The following SLC16A12 variants were observed in gnomAD, a reference collection of about 807,000 sequenced individuals.
The protein encoded by SLC16A12 is solute carrier family 16 member 12, also known as monocarboxylate transporter 12.
A neutral mutation model predicts 42.4 loss-of-function variants in SLC16A12; 17 were observed. That is an observed-to-expected ratio of 0.40 (90% CI 0.27 to 0.60). SLC16A12 has a LOEUF of 0.60. Ranked by LOEUF, SLC16A12 falls within the 20% of genes least tolerant of loss-of-function variation. The pLI is 0.42. For missense variants in SLC16A12, 544 were observed against 623.0 expected (o/e 0.87, Z 1.35); for synonymous variants, 224 against 229.4 (o/e 0.98, Z 0.21).
intron 3 of SLC16A12, among the ~76,000 whole-genome samples, chr10:89,447,670 C>T (rs532883240): frequency 2.0e-5 from 3 of 152,020 alleles, no homozygotes; most frequent in East Asian, 1.9e-4. Context: ...GATTTAAAAT[C>T]GACACCCTAA....
chr10:89,554,789 C>T (rs1287360085), intron 2 of SLC16A12, among the ~76,000 whole-genome samples: 2 of 152,210 alleles, frequency 1.3e-5, no homozygotes, highest in Admixed American at 1.3e-4. Flanking sequence ...CAGGCCCCAG[C>T]TGGCCTACTT....
intron 2 of SLC16A12, among the ~76,000 whole-genome samples, chr10:89,463,401 G>GT (rs1554827875): frequency 5.8e-4 from 86 of 147,728 alleles, no homozygotes; most frequent in African/African-American, 2.0e-3. Flanking sequence ...TCCAAATAAG[G>GT]TAAAAAAAAG....
intron 2 of SLC16A12, among the ~76,000 whole-genome samples, chr10:89,467,063 A>G (rs1294477164): frequency 6.6e-6 from 1 of 152,222 alleles, no homozygotes; most frequent in East Asian, 1.9e-4. Context: ...ATGTGATACA[A>G]TCAGTTGTAC....
intron 2 of SLC16A12, among the ~76,000 whole-genome samples, chr10:89,486,603 A>AAGAAAG (rs1842745285): frequency 1.4e-5 from 1 of 70,410 alleles, no homozygotes; most frequent in Non-Finnish European, 2.8e-5. Flanking sequence ...AAAAAAAAAA[A>AAGAAAG]AAAGAAAGAA....
chr10:89,501,753 AAAT>A (rs1303174454), intron 2 of SLC16A12, among the ~76,000 whole-genome samples: 4 of 152,106 alleles, frequency 2.6e-5, no homozygotes, highest in African/African-American at 7.2e-5. Flanking sequence ...TTCATCTCAA[AAAT>A]AATAATAATA....
At chr10:89,526,475 T>C (rs1843454784) in intron 2 of SLC16A12, among the ~76,000 whole-genome samples, 1 of 152,196 alleles carries the variant, frequency 6.6e-6, no homozygotes, top group South Asian at 2.1e-4. Context: ...TATAAAGTTA[T>C]TAAGACCGAA....
At chr10:89,434,508 C>G (rs761670995) in intron 7 of SLC16A12, among the ~76,000 whole-genome samples, 13 of 152,222 alleles carry the variant, frequency 8.5e-5, no homozygotes, top group African/African-American at 1.2e-4. Context: ...AGATCTGTAT[C>G]ATGGAGTTCA....
At chr10:89,482,022 G>A (rs1433051073) in intron 2 of SLC16A12, among the ~76,000 whole-genome samples, 7 of 152,174 alleles carry the variant, frequency 4.6e-5, no homozygotes, top group African/African-American at 9.6e-5. Flanking sequence ...CATGAGTTAC[G>A]CTGAATAGTT....
At chr10:89,507,243 G>A (rs547768426) in intron 2 of SLC16A12, among the ~76,000 whole-genome samples, 7 of 152,094 alleles carry the variant, frequency 4.6e-5, no homozygotes, top group African/African-American at 1.4e-4. Flanking sequence ...GATATTCCTC[G>A]AGAAGAGCAA....
At position 89,443,738 on chromosome 10, in the gene SLC16A12, C is replaced by T. The variant is rs1564570164; in HGVS notation, c.304+18G>A. On this transcript the variant is annotated intron_variant, in intron 4 of 7. Transcript: ENST00000371790. Reference sequence around the variant, plus strand: ...CAAGAGTGGCCAGTAATTCCCTATCCTAGTAAGTAATACTCACCACAGAGC... The same window carrying T: ...CAAGAGTGGCCAGTAATTCCCTATCTTAGTAAGTAATACTCACCACAGAGC... The T allele has an allele frequency of 1.3e-6, 2 of 1,554,360 alleles. No individual in the cohort carries two copies. Among genetic ancestry groups the T allele is most frequent in the Non-Finnish European group, 8.9e-7 (1 of 1,125,440 alleles).
At position 89,438,817 on chromosome 10, in the gene SLC16A12, T is replaced by C. The variant is rs774197969; in HGVS notation, c.815A>G (p.Gln272Arg). 1 of 1,614,180 alleles carries C rather than the reference T, an allele frequency of 6.2e-7. No homozygotes were observed. The highest frequency in any genetic ancestry group is 1.3e-5 in the African/African-American group (1 of 75,050). Residue 272 changes from glutamine to arginine, a missense_variant, in exon 6 of 8, where the codon CAG (glutamine) becomes CGG (arginine). Coordinates refer to ENST00000371790, the MANE Select transcript of SLC16A12 (RefSeq NM_213606.4). ...CATGAGTAAAAAACTGTACTCTTGC[T>C]GCAAACAGCAACAGAGGCAAGTCTG... ...WAQTCLCCCL[Q>R]QEYSFLLMSD...
At chr10:89,472,355 G>A (rs1224403283) in intron 2 of SLC16A12, among the ~76,000 whole-genome samples, 3 of 151,650 alleles carry the variant, frequency 2.0e-5, no homozygotes, top group Non-Finnish European at 4.4e-5. Flanking sequence ...GAGAAAGAGA[G>A]ATACCCTGTT....
chr10:89,520,473 A>T (rs1304965424), intron 2 of SLC16A12, among the ~76,000 whole-genome samples: 1 of 152,176 alleles, frequency 6.6e-6, no homozygotes, highest in Non-Finnish European at 1.5e-5. Context: ...GCCAATACAT[A>T]TACTAGAACT....
At position 89,436,872 on chromosome 10, in the gene SLC16A12, GAAA is replaced by G. The variant is rs1841801468; in HGVS notation, c.1029-556_1029-554del. ...AAGAAAAGAAAGAAATAAAGAAAAAGAAAGAAAGAAAGAAAGAAAGAAAGAAAG... is the reference window on the plus strand; with the variant it reads ...AAGAAAAGAAAGAAATAAAGAAAAAGGAAAGAAAGAAAGAAAGAAAGAAAG... On this transcript the variant is annotated intron_variant, in intron 6 of 7. Transcript: ENST00000371790. Among the ~76,000 whole-genome samples the G allele has an allele frequency of 6.2e-5, 5 of 80,962 alleles. No individual in the cohort carries two copies. The South Asian group carries it at 1.6e-3, about 26-fold the overall frequency. 53.1% of individuals were successfully genotyped at this position (80,962 alleles called of 152,430 possible). A position where few individuals can be genotyped will look rare whatever the true frequency, so the allele number is the denominator to read the frequency against.
At chr10:89,513,138 A>G (rs1031863974) in intron 2 of SLC16A12, among the ~76,000 whole-genome samples, 2 of 152,220 alleles carry the variant, frequency 1.3e-5, no homozygotes, top group Non-Finnish European at 2.9e-5. Context: ...AATGGTTAAA[A>G]TGGTAAATTT....
intron 2 of SLC16A12, among the ~76,000 whole-genome samples, chr10:89,503,642 A>G (rs1289765334): frequency 6.6e-6 from 1 of 152,206 alleles, no homozygotes; most frequent in Non-Finnish European, 1.5e-5. Flanking sequence ...TGAAAAGACC[A>G]TGGGGCCAGG....
chr10:89,502,178 C>T (rs146742936), intron 2 of SLC16A12, among the ~76,000 whole-genome samples: 154 of 152,148 alleles, frequency 1.0e-3, no homozygotes, highest in Admixed American at 2.2e-3. Flanking sequence ...CGGCCGGGTG[C>T]GGTGGCTCAC....
At position 89,486,869 on chromosome 10, in the gene SLC16A12, TGATTTTCTGCTTA is replaced by T. The variant is rs1222358329; in HGVS notation, c.-46-24258_-46-24246del. On this transcript the variant is annotated intron_variant, in intron 2 of 7. Coordinates refer to ENST00000371790, the MANE Select transcript of SLC16A12 (RefSeq NM_213606.4). The stretch of plus-strand genomic sequence containing the variant: ...AACTGTGACTCTTTGAGGAAAAAGT[TGATTTTCTGCTTA>T]GTAAATCAAAGGTTCTAGATCAAAA... Among the ~76,000 whole-genome samples the T allele has an allele frequency of 1.4e-4, 21 of 152,324 alleles. No individual in the cohort carries two copies. The East Asian group carries it at 3.7e-3, about 27-fold the overall frequency.
intron 2 of SLC16A12, among the ~76,000 whole-genome samples, chr10:89,472,493 T>C (rs1166183610): frequency 2.9e-5 from 4 of 137,174 alleles, no homozygotes; most frequent in Admixed American, 7.3e-5. Context: ...CTTTCTTTTT[T>C]TTTTTTTTTT....
Sources: gnomAD v4.1 joint callset for allele counts (sites outside exome capture counted in the v4.1 genomes callset) on GRCh38, gnomAD v4.1.1 for gene constraint, MANE v1.5 for transcripts, NCBI Gene and HGNC (gene_info 2026-07-23, HGNC 2026-07-21) for gene names.